KIF1B: variants seen among roughly 807,000 people sequenced by gnomAD.
The protein encoded by KIF1B is kinesin-like protein KIF1B.
In KIF1B, 76 loss-of-function variants were observed where a neutral mutation model predicts 241.9. That is an observed-to-expected ratio of 0.31 (90% confidence interval 0.26 to 0.38). The LOEUF (loss-of-function observed/expected upper bound fraction) is 0.38, where lower values mean the gene tolerates loss of function less well. KIF1B is among the 10% of genes least tolerant of loss of function. KIF1B has a pLI of 1.00. For missense variants in KIF1B, 1,622 were observed against 2,271.4 expected (o/e 0.71, Z 5.81); for synonymous variants, 750 against 796.7 (o/e 0.94, Z 0.99).
At chr1:10,340,582 C>T (rs769053120) in intron 32 of KIF1B, among the ~76,000 whole-genome samples, 1 of 152,174 alleles carries the variant, frequency 6.6e-6, no homozygotes, top group Non-Finnish European at 1.5e-5. Flanking sequence ...CGCAGTGGCT[C>T]ATACCTGTCC....
At chr1:10,235,862 CA>C (rs70997211) in intron 2 of KIF1B, among the ~76,000 whole-genome samples, 29,785 of 70,488 alleles carry the variant, frequency 0.42, 2,988 homozygotes, top group South Asian at 0.46. Flanking sequence ...AACACTGTCT[CA>C]AAAAAAAAAA....
rs370935141 is a variant in KIF1B, at chr1:10,326,081, G to A, written c.2676-30G>A. 3 of 1,613,420 alleles carry A rather than the reference G, an allele frequency of 1.9e-6. No individual in the cohort carries two copies. Reference sequence around the variant, plus strand: ...ACCAACTATTCCTCTCTCCCTGGCTGTGTTAATTGGCGTCTTACCTGGTGT... The same window carrying A: ...ACCAACTATTCCTCTCTCCCTGGCTATGTTAATTGGCGTCTTACCTGGTGT... On this transcript the variant is annotated intron_variant, in intron 26 of 48. Transcript: ENST00000676179. This position sits in a 1 kb window ranked among gnomAD's most constrained non-coding sequence, Gnocchi z 5.2.
intron 22 of KIF1B, among the ~76,000 whole-genome samples, chr1:10,312,945 T>TA (rs1651130948): frequency 6.6e-6 from 1 of 151,692 alleles, no homozygotes; most frequent in Admixed American, 6.6e-5. Flanking sequence ...GATAATGGTT[T>TA]AAAAATCATG....
chr1:10,356,082 A>G (rs2102338512), intron 38 of KIF1B, among the ~76,000 whole-genome samples: 1 of 152,312 alleles, frequency 6.6e-6, no homozygotes, highest in South Asian at 2.1e-4. Context: ...ATACAACATA[A>G]ACGGGCTGGG....
intron 22 of KIF1B, among the ~76,000 whole-genome samples, chr1:10,301,809 A>G (rs1034581992): frequency 6.6e-6 from 1 of 152,350 alleles, no homozygotes; most frequent in Admixed American, 6.5e-5. Flanking sequence ...TTCTAAATCC[A>G]ACATTGCTTT....
intron 2 of KIF1B, among the ~76,000 whole-genome samples, chr1:10,234,562 C>T (rs987609377): frequency 2.7e-5 from 4 of 148,486 alleles, no homozygotes; most frequent in Admixed American, 6.7e-5. Context: ...CTCTCTGTCA[C>T]GCAGGCTGGA....
At chr1:10,354,451 CATTT>C in intron 38 of KIF1B, among the ~76,000 whole-genome samples, 1 of 152,226 alleles carries the variant, frequency 6.6e-6, no homozygotes, top group East Asian at 1.9e-4. Flanking sequence ...AATTTTTTAT[CATTT>C]ATTAACATTA....
At chr1:10,228,041 CG>C (rs1646932749) in intron 1 of KIF1B, among the ~76,000 whole-genome samples, 1 of 151,626 alleles carries the variant, frequency 6.6e-6, no homozygotes, top group African/African-American at 2.4e-5. Flanking sequence ...AAAAATTACC[CG>C]GGCGTGCTGG....
At chr1:10,371,037 A>C in intron 44 of KIF1B, 104 bp from the exon 45 acceptor site, 1 of 1,334,938 alleles carries the variant, frequency 7.5e-7, no homozygotes, top group South Asian at 1.2e-5. Flanking sequence ...CTTCTGAAAC[A>C]AGATGTATCA....
chr1:10,324,929 A>G (rs771933585), intron 26 of KIF1B, 34 bp downstream of exon 26: 1 of 1,611,726 alleles, frequency 6.2e-7, no homozygotes, highest in Admixed American at 1.7e-5. Context: ...CTTCTTTTAA[A>G]ATAATGATTA....
At chr1:10,276,471 G>A in intron 12 of KIF1B, 72 bp downstream of exon 12, 1 of 974,158 alleles carries the variant, frequency 1.0e-6, no homozygotes, top group Non-Finnish European at 1.6e-6. Context: ...TACCATGGAT[G>A]TTTTTATGCT....
At chr1:10,340,175 T>G (rs1046960588) in intron 32 of KIF1B, among the ~76,000 whole-genome samples, 5 of 152,228 alleles carry the variant, frequency 3.3e-5, no homozygotes, top group Admixed American at 6.5e-5. Context: ...TTAAAGTGAA[T>G]GCATTGTCCT....
In KIF1B at chr1:10,309,336, G is replaced by A. The variant is rs576533448; in HGVS notation, c.2116-10707G>A. Among the ~76,000 whole-genome samples the A allele has an allele frequency of 2.0e-4, 30 of 152,220 alleles. No homozygotes were observed. The South Asian group carries it at 6.2e-3, about 32-fold the overall frequency. On this transcript the variant is annotated intron_variant, in intron 22 of 48. Transcript: ENST00000676179. ...ATCCTTTGCTGTCGGAGAAACTGTT[G>A]GAAAAGTTGCAATGTCCCTACCGTT...
intron 1 of KIF1B, among the ~76,000 whole-genome samples, chr1:10,216,686 T>G (rs927679224): frequency 1.3e-5 from 2 of 152,110 alleles, no homozygotes; most frequent in Admixed American, 6.6e-5. Flanking sequence ...CAGTTGCTAT[T>G]ATAAAATCTG....
At chr1:10,290,150 T>A (rs1167295225) in intron 15 of KIF1B, among the ~76,000 whole-genome samples, 1 of 152,062 alleles carries the variant, frequency 6.6e-6, no homozygotes, top group Non-Finnish European at 1.5e-5. Flanking sequence ...AAATTTAATT[T>A]AATTAATTTA....
chr1:10,210,821 CCCGCGCGCCGCGGCT>C lies in KIF1B; in HGVS notation c.-134_-120del, dbSNP rs1646682574. 1 of 149,478 alleles carries C rather than the reference CCCGCGCGCCGCGGCT, an allele frequency of 6.7e-6. No individual in the cohort carries two copies. The highest frequency in any genetic ancestry group is 1.5e-5 in the Non-Finnish European group (1 of 66,932). 9.3% of individuals were successfully genotyped at this position (149,478 alleles called of 1,614,324 possible). On this transcript the variant is annotated 5_prime_UTR_variant, in exon 1 of 49. Coordinates refer to ENST00000676179, the MANE Select transcript of KIF1B (RefSeq NM_001365951.3). This position sits in a 1 kb window ranked among gnomAD's most constrained non-coding sequence, Gnocchi z 4.1. ...GCGTCGGTGCCCGGCCCCCCGCGCCCCCGCGCGCCGCGGCTCCTGTTGACCCGGTCCGCCCGTCGG... is the reference window on the plus strand; with the variant it reads ...GCGTCGGTGCCCGGCCCCCCGCGCCCCCTGTTGACCCGGTCCGCCCGTCGG...
chr1:10,249,632 T>C (rs1647329147), intron 2 of KIF1B, among the ~76,000 whole-genome samples: 1 of 152,206 alleles, frequency 6.6e-6, no homozygotes, highest in African/African-American at 2.4e-5. Context: ...CTGGGTCCAG[T>C]GGCCCACACT....
At chr1:10,313,548 A>ATTTTTTT (rs33994083) in intron 22 of KIF1B, among the ~76,000 whole-genome samples, 1 of 121,412 alleles carries the variant, frequency 8.2e-6, no homozygotes, top group Non-Finnish European at 1.7e-5. Context: ...ACTAGTTAGG[A>ATTTTTTT]TTTTTTTTTT....
intron 27 of KIF1B, among the ~76,000 whole-genome samples, chr1:10,333,645 C>T (rs563053382): frequency 1.5e-4 from 23 of 151,522 alleles, no homozygotes; most frequent in African/African-American, 5.3e-4. Flanking sequence ...TGAGCCGAGA[C>T]TGCACCACTG....
Sources: gnomAD v4.1 joint callset for allele counts (sites outside exome capture counted in the v4.1 genomes callset) on GRCh38, gnomAD v4.1.1 for gene constraint, Gnocchi (gnomAD v3.1) non-coding constraint, MANE v1.5 for transcripts, NCBI Gene and HGNC (gene_info 2026-07-23, HGNC 2026-07-21) for gene names.